The following ADGRD1 variants were observed in gnomAD, a reference collection of about 807,000 sequenced individuals.
ADGRD1 encodes G-protein coupled receptor 133.
A neutral mutation model predicts 113.4 loss-of-function variants in ADGRD1; 77 were observed. The ratio of observed to expected loss-of-function variants is 0.68; its 90% confidence interval spans 0.57 to 0.82. ADGRD1 has a LOEUF of 0.82. ADGRD1 is among the 40% of genes least tolerant of loss of function. ADGRD1 has a pLI of 0.00. For synonymous variants in ADGRD1, 474 were observed against 475.0 expected (o/e 1.00, Z 0.03); for missense variants, 1,036 against 1,139.1 (o/e 0.91, Z 1.30).
At chr12:130,968,965 T>G in intron 3 of ADGRD1, 1 of 1,493,772 alleles carries the variant, frequency 6.7e-7, no homozygotes, top group African/African-American at 1.4e-5. Flanking sequence ...TTCTTTTTGT[T>G]GTTTCACCCA....
chr12:130,969,315 C>T (rs115946241), intron 3 of ADGRD1: 6,792 of 467,866 alleles, frequency 0.015, 86 homozygotes, highest in Middle Eastern at 0.073. Flanking sequence ...GGCAGCAATC[C>T]GTAGCCTGTT....
chr12:131,098,435 G>A (rs924333080), intron 15 of ADGRD1, among the ~76,000 whole-genome samples: 2 of 152,186 alleles, frequency 1.3e-5, no homozygotes, highest in African/African-American at 4.8e-5. Flanking sequence ...CGAGGCTCCA[G>A]TGTACAGCGG....
intron 13 of ADGRD1, among the ~76,000 whole-genome samples, chr12:131,037,359 C>T (rs1030798007): frequency 6.8e-6 from 1 of 146,160 alleles, no homozygotes; most frequent in African/African-American, 2.6e-5. Flanking sequence ...ACTCACTGCA[C>T]TGGGTCTTAC....
At chr12:130,980,407 C>T (rs1016676355) in intron 4 of ADGRD1, among the ~76,000 whole-genome samples, 3 of 133,958 alleles carry the variant, frequency 2.2e-5, no homozygotes, top group Non-Finnish European at 3.2e-5. Flanking sequence ...CCTGGACCCT[C>T]TTTTTTTTGA....
At position 131,003,962 on chromosome 12, in the gene ADGRD1, G is replaced by T. The variant is rs976624956; in HGVS notation, c.1145-224G>T. On this transcript the variant is annotated intron_variant, in intron 10 of 24. Transcript: ENST00000261654. This position sits in a 1 kb window ranked among gnomAD's most constrained non-coding sequence, Gnocchi z 4.8. ...GCCCCAGGTGAGGAGCCGCGCGCCC[G>T]TGGGCCGGAATGCTGAGCCTCCCCG... Among the ~76,000 whole-genome samples the T allele has an allele frequency of 6.6e-6, 1 of 152,034 alleles. No homozygotes were observed. Among genetic ancestry groups the T allele is most frequent in the Non-Finnish European group, 1.5e-5 (1 of 68,004 alleles).
At chr12:131,006,838 A>G (rs1219316844) in intron 12 of ADGRD1, among the ~76,000 whole-genome samples, 2 of 152,158 alleles carry the variant, frequency 1.3e-5, no homozygotes, top group Non-Finnish European at 2.9e-5. Context: ...CTCCTAATGA[A>G]AGAAAGTGGG....
At position 131,140,417 on chromosome 12, in the gene ADGRD1, T is replaced by G. The variant is rs2136125399; in HGVS notation, c.*1154T>G. On this transcript the variant is annotated 3_prime_UTR_variant, in exon 25 of 25. Coordinates refer to ENST00000261654, the MANE Select transcript of ADGRD1 (RefSeq NM_198827.5). ...AGCCCCAGAGGAGATGGGATAATTG[T>G]TATGGACCCATGTGTGGGCATGATC... 6.6e-6 allele frequency: 1 copy of G among 152,210 alleles called. No homozygotes were observed. The highest frequency in any genetic ancestry group is 1.5e-5 in the Non-Finnish European group (1 of 68,008). 9.4% of individuals were successfully genotyped at this position (152,210 alleles called of 1,614,324 possible).
intron 13 of ADGRD1, among the ~76,000 whole-genome samples, chr12:131,025,358 A>T (rs1056272877): frequency 6.6e-6 from 1 of 151,860 alleles, no homozygotes; most frequent in African/African-American, 2.4e-5. Flanking sequence ...AGTTAAAGTG[A>T]TTTGTCTGAT....
At chr12:131,044,434 G>A (rs924224192) in intron 13 of ADGRD1, among the ~76,000 whole-genome samples, 36 of 152,322 alleles carry the variant, frequency 2.4e-4, no homozygotes, top group East Asian at 1.9e-4. Context: ...TGAGGGGACC[G>A]GTCCTGGGTG....
chr12:131,065,023 C>A lies in ADGRD1; in HGVS notation c.1474-11778C>A, dbSNP rs141491453. On this transcript the variant is annotated intron_variant, in intron 13 of 24. Transcript: ENST00000261654. ...CTCAGCCCTCATTCATCAGATTCTC[C>A]CTCTCCTCTCTCTTTGTATGTATTT... Among the ~76,000 whole-genome samples, 432 of 152,262 alleles carry A rather than the reference C, an allele frequency of 2.8e-3. 4 individuals carry two copies. Among genetic ancestry groups the A allele is most frequent in the African/African-American group, 8.9e-3 (369 of 41,544 alleles).
At chr12:131,005,120 C>T (rs1326765337) in intron 11 of ADGRD1, among the ~76,000 whole-genome samples, 1 of 152,204 alleles carries the variant, frequency 6.6e-6, no homozygotes, top group Non-Finnish European at 1.5e-5. Context: ...CTGCACCCAC[C>T]ACCATCTTGA....
intron 13 of ADGRD1, among the ~76,000 whole-genome samples, chr12:131,059,020 G>A (rs1285020534): frequency 6.6e-6 from 1 of 152,000 alleles, no homozygotes; most frequent in African/African-American, 2.4e-5. Context: ...TTGTCCCACG[G>A]GTCCTCAAGG....
At chr12:131,133,438 A>G (rs1950989200) in intron 21 of ADGRD1, among the ~76,000 whole-genome samples, 1 of 152,164 alleles carries the variant, frequency 6.6e-6, no homozygotes. Flanking sequence ...ATGTCCTCCA[A>G]GCGACAGGCT....
chr12:131,047,734 C>T (rs1020499415), intron 13 of ADGRD1, among the ~76,000 whole-genome samples: 9 of 152,304 alleles, frequency 5.9e-5, no homozygotes, highest in South Asian at 2.1e-4. Flanking sequence ...CCATAAATTC[C>T]CCACCTCAGC....
At chr12:131,076,734 A>T (rs1885650073) in intron 13 of ADGRD1, 67 bp from the exon 14 acceptor site, 1 of 1,367,170 alleles carries the variant, frequency 7.3e-7, no homozygotes, top group African/African-American at 1.4e-5. Context: ...TCGCTCTCAC[A>T]TCAGTGCTGA....
chr12:131,003,042 C>A lies in ADGRD1; in HGVS notation c.1027-143C>A. On this transcript the variant is annotated intron_variant, in intron 9 of 24. Transcript: ENST00000261654. This position sits in a 1 kb window ranked among gnomAD's most constrained non-coding sequence, Gnocchi z 4.8. ...GGCCTCCGTGTGGTCCCCTCCTGAT[C>A]CATGGGAAGGGGCAGTTGTGTGACT... 1 of 764,724 alleles carries A rather than the reference C, an allele frequency of 1.3e-6. No individual in the cohort carries two copies. Among genetic ancestry groups the A allele is most frequent in the Non-Finnish European group, 2.3e-6 (1 of 437,334 alleles). The allele number at this position is 764,724 out of a possible 1,614,324, so 47.4% of individuals were successfully genotyped here. A position where few individuals can be genotyped will look rare whatever the true frequency, so the allele number is the denominator to read the frequency against.
intron 18 of ADGRD1, among the ~76,000 whole-genome samples, chr12:131,110,585 T>C (rs1014304904): frequency 6.6e-6 from 1 of 152,238 alleles, no homozygotes; most frequent in African/African-American, 2.4e-5. Flanking sequence ...CTTGTATCTT[T>C]TAAAGAAGCT....
At chr12:131,105,904 C>T in intron 17 of ADGRD1, 39 bp downstream of exon 17, 1 of 1,465,202 alleles carries the variant, frequency 6.8e-7, no homozygotes, top group Non-Finnish European at 9.4e-7. Context: ...GCTGTCCTTC[C>T]CTTGCCTCCT....
rs373525220 is a variant in ADGRD1 at position 130,982,721 on chromosome 12, C to T, written c.490+658C>T. Among the ~76,000 whole-genome samples the T allele has an allele frequency of 4.6e-5, 7 of 152,262 alleles. 1 individual carries two copies. The highest frequency in any genetic ancestry group is 1.7e-4 in the African/African-American group (7 of 41,546). ...GGGCCCTGGATGTGTGGGAAGAGAA[C>T]AGGAGTCCCTGCACATTGGCTGAGT... On this transcript the variant is annotated intron_variant, in intron 5 of 24. Coordinates refer to ENST00000261654, the MANE Select transcript of ADGRD1 (RefSeq NM_198827.5).
Sources: allele counts gnomAD v4.1 joint callset (sites outside exome capture counted in the v4.1 genomes callset), GRCh38; gene constraint gnomAD v4.1.1; non-coding constraint Gnocchi (gnomAD v3.1); transcripts MANE v1.5; gene names NCBI Gene and HGNC (gene_info 2026-07-23, HGNC 2026-07-21).